The following ONECUT3 variants were observed in gnomAD, a reference collection of about 807,000 sequenced individuals.
The protein encoded by ONECUT3 is one cut homeobox 3.
Under a neutral mutation model 16.8 loss-of-function variants are expected in ONECUT3, and 11 were observed. That is an observed-to-expected ratio of 0.66 (90% CI 0.41 to 1.09). The LOEUF is 1.09. ONECUT3 is among the 50% of genes least tolerant of loss of function. ONECUT3 has a pLI of 0.00. For synonymous variants in ONECUT3, 344 were observed against 310.7 expected (o/e 1.11, Z -1.13); for missense variants, 637 against 629.9 (o/e 1.01, Z -0.12).
chr19:1,764,565 T>C lies in ONECUT3; in HGVS notation c.1192+9711T>C, dbSNP rs1056735634. ...GAGTGGAGGGGTAGTGGGAACAGAG[T>C]GGGGCCAGATGAGGGGCTGGGGAGG... On this transcript the variant is annotated intron_variant, in intron 1 of 1. Coordinates refer to ENST00000382349, the MANE Select transcript of ONECUT3 (RefSeq NM_001080488.2). The surrounding 1 kb of genome is among the most constrained non-coding windows in gnomAD (Gnocchi z 5.0). Among the ~76,000 whole-genome samples, 1 of 143,368 alleles carries C rather than the reference T, an allele frequency of 7.0e-6. No individual in the cohort carries two copies. Among genetic ancestry groups the C allele is most frequent in the Non-Finnish European group, 1.5e-5 (1 of 65,636 alleles). The allele number at this position is 143,368 out of a possible 152,430, so 94.1% of individuals were successfully genotyped here.
rs1301634477 is a variant in ONECUT3 at position 1,775,145 on chromosome 19, G to T, written c.1193-8G>T. 2.5e-6 allele frequency: 2 copies of T among 800,004 alleles called. No individual in the cohort carries two copies. The highest frequency in any genetic ancestry group is 3.6e-6 in the Non-Finnish European group (2 of 556,834). The allele number at this position is 800,004 out of a possible 1,614,324, so 49.6% of individuals were successfully genotyped here. A position where few individuals can be genotyped will look rare whatever the true frequency, so the allele number is the denominator to read the frequency against. On this transcript the variant is annotated splice_region_variant and splice_polypyrimidine_tract_variant and intron_variant, in intron 1 of 1. Transcript: ENST00000382349. ...CCGCTCGCCCGCCCGCCCGCCGCTC[G>T]CCCGCAGCCTGCAAGCGCAAGGAAC...
In ONECUT3 at chr19:1,775,587, A is replaced by T; in HGVS notation, c.*142A>T. ...CTATCCGGGCCCCCCACACCCGGGG[A>T]GGGGGAAGCAGCACACCCCCCAGCC... On this transcript the variant is annotated 3_prime_UTR_variant, in exon 2 of 2. Transcript: ENST00000382349. 2 of 733,900 alleles carry T rather than the reference A, an allele frequency of 2.7e-6. No individual in the cohort carries two copies. Among genetic ancestry groups the T allele is most frequent in the Non-Finnish European group, 4.1e-6 (2 of 488,486 alleles). The allele number at this position is 733,900 out of a possible 1,614,324, so 45.5% of individuals were successfully genotyped here. A position where few individuals can be genotyped will look rare whatever the true frequency, so the allele number is the denominator to read the frequency against.
intron 1 of ONECUT3, among the ~76,000 whole-genome samples, chr19:1,769,945 G>A (rs757378575): frequency 5.9e-5 from 9 of 152,122 alleles, no homozygotes; most frequent in Non-Finnish European, 1.3e-4. Flanking sequence ...AGGTGGGGTG[G>A]GAAAGGGACG....
In ONECUT3 at chr19:1,755,102, G is replaced by A. The variant is rs2067909921; in HGVS notation, c.1192+248G>A. On this transcript the variant is annotated intron_variant, in intron 1 of 1. Coordinates refer to ENST00000382349, the MANE Select transcript of ONECUT3 (RefSeq NM_001080488.2). The surrounding 1 kb of genome is among the most constrained non-coding windows in gnomAD (Gnocchi z 7.5). The stretch of plus-strand genomic sequence containing the variant: ...CGGTCGCCGCTTCTGCCCCTTTCGG[G>A]AGCGCGTAGGGGTTCTCTAGTCCTT... Among the ~76,000 whole-genome samples, 1 of 152,182 alleles carries A rather than the reference G, an allele frequency of 6.6e-6. No individual in the cohort carries two copies. The highest frequency in any genetic ancestry group is 1.5e-5 in the Non-Finnish European group (1 of 68,018).
rs181012975 is a variant in ONECUT3, at chr19:1,768,438, G to T, written c.1193-6715G>T. Among the ~76,000 whole-genome samples, 312 of 152,274 alleles carry T rather than the reference G, an allele frequency of 2.0e-3. 3 individuals carry two copies. Among genetic ancestry groups the T allele is most frequent in the African/African-American group, 6.5e-3 (270 of 41,550 alleles). On this transcript the variant is annotated intron_variant, in intron 1 of 1. Transcript: ENST00000382349. Reference sequence around the variant, plus strand: ...TGGAAGAGCTCAGGAGCCCAGGAAGGACTGGCCTGCACCGGGACATGCCTG... The same window carrying T: ...TGGAAGAGCTCAGGAGCCCAGGAAGTACTGGCCTGCACCGGGACATGCCTG...
chr19:1,776,657 C>G lies in ONECUT3; in HGVS notation c.*1212C>G, dbSNP rs2068111430. 6.7e-6 allele frequency: 1 copy of G among 149,246 alleles called. No homozygotes were observed. The allele number at this position is 149,246 out of a possible 1,614,324, so 9.2% of individuals were successfully genotyped here. A position where few individuals can be genotyped will look rare whatever the true frequency, so the allele number is the denominator to read the frequency against. On this transcript the variant is annotated 3_prime_UTR_variant, in exon 2 of 2. Coordinates refer to ENST00000382349, the MANE Select transcript of ONECUT3 (RefSeq NM_001080488.2). The surrounding 1 kb of genome is among the most constrained non-coding windows in gnomAD (Gnocchi z 4.9). ...CCGCGCTCTCCCCCGCTCCTCTCAT[C>G]TGGTCTGGGTGACCTCCGAGACTGG...
rs1032783825 is a variant in ONECUT3, at chr19:1,775,688, C to A, written c.*243C>A. 98 of 391,128 alleles carry A rather than the reference C, an allele frequency of 2.5e-4. No homozygotes were observed. Among genetic ancestry groups the A allele is most frequent in the African/African-American group, 1.4e-3 (67 of 47,000 alleles). 24.2% of individuals were successfully genotyped at this position (391,128 alleles called of 1,614,324 possible). A position where few individuals can be genotyped will look rare whatever the true frequency, so the allele number is the denominator to read the frequency against. On this transcript the variant is annotated 3_prime_UTR_variant, in exon 2 of 2. Transcript: ENST00000382349. ...GGCCAAAGGAAGCCCTCCACCCCCC[C>A]CCGGAGGGGAGGGAGTGACAGAAAG...
chr19:1,754,306 A>G lies in ONECUT3; in HGVS notation c.644A>G (p.Gln215Arg). ...ALPPALHGAP[Q>R]PPPPPPPPPL... Reference sequence around the variant, plus strand: ...CCGCCCGCGCTGCACGGCGCCCCGCAGCCCCCGCCGCCGCCACCACCCCCG... The same window carrying G: ...CCGCCCGCGCTGCACGGCGCCCCGCGGCCCCCGCCGCCGCCACCACCCCCG... The change falls in exon 1 of 2, where the codon CAG (glutamine) becomes CGG (arginine). Residue 215 changes from glutamine (Q) to arginine (R), a missense_variant. Physicochemically the swap from Gln to Arg is conservative, Grantham distance 43. This residue lies in a region of ONECUT3 where 419 missense variants were observed against 377.9 expected (regional missense o/e 1.11). Transcript: ENST00000382349. This position sits in a 1 kb window ranked among gnomAD's most constrained non-coding sequence, Gnocchi z 7.4. 9.5e-7 allele frequency: 1 copy of G among 1,052,778 alleles called. No homozygotes were observed. Among genetic ancestry groups the G allele is most frequent in the Non-Finnish European group, 1.1e-6 (1 of 879,162 alleles). 65.2% of individuals were successfully genotyped at this position (1,052,778 alleles called of 1,614,324 possible).
In ONECUT3 at chr19:1,762,046, C is replaced by T. The variant is rs180673647; in HGVS notation, c.1192+7192C>T. ...ACGTGTGTAGACGCCTCCGTTCACA[C>T]TGGGACGAGTGCAGACTGACCCAGG... On this transcript the variant is annotated intron_variant, in intron 1 of 1. Transcript: ENST00000382349. The surrounding 1 kb of genome is among the most constrained non-coding windows in gnomAD (Gnocchi z 4.4). 1.9e-3 allele frequency among the ~76,000 whole-genome samples: 287 copies of T among 152,328 alleles called. 5 individuals carry two copies. The highest frequency in any genetic ancestry group is 1.6e-3 in the Non-Finnish European group (111 of 68,024).
Position 1,779,699 on chromosome 19 carries a change from G to T in ONECUT3, c.*4254G>T, listed in dbSNP as rs541673762. On this transcript the variant is annotated 3_prime_UTR_variant, in exon 2 of 2. Transcript: ENST00000382349. ...GGGTGGGGGGCGGGGGGCGTGGCCC[G>T]GTTCCGTGTCGCATCTGTGTGTCTG... The T allele has an allele frequency of 2.0e-5, 3 of 150,900 alleles. No individual in the cohort carries two copies. The East Asian group carries it at 6.0e-4, about 30-fold the overall frequency. 9.3% of individuals were successfully genotyped at this position (150,900 alleles called of 1,614,324 possible).
Position 1,776,239 on chromosome 19 carries a change from C to T in ONECUT3, c.*794C>T, listed in dbSNP as rs1207980516. On this transcript the variant is annotated 3_prime_UTR_variant, in exon 2 of 2. Coordinates refer to ENST00000382349, the MANE Select transcript of ONECUT3 (RefSeq NM_001080488.2). The surrounding 1 kb of genome is among the most constrained non-coding windows in gnomAD (Gnocchi z 4.9). ...GTAAATTCCAGACGCCCCCGCCCCG[C>T]CCCGTCTGTTGAGTTCACTTTACCT... 6.6e-6 allele frequency: 1 copy of T among 152,340 alleles called. No homozygotes were observed. Among genetic ancestry groups the T allele is most frequent in the African/African-American group, 2.4e-5 (1 of 41,446 alleles). 9.4% of individuals were successfully genotyped at this position (152,340 alleles called of 1,614,324 possible). A position where few individuals can be genotyped will look rare whatever the true frequency, so the allele number is the denominator to read the frequency against.
chr19:1,776,338 A>C lies in ONECUT3; in HGVS notation c.*893A>C, dbSNP rs1489368922. The C allele has an allele frequency of 6.6e-6, 1 of 152,264 alleles. No individual in the cohort carries two copies. Among genetic ancestry groups the C allele is most frequent in the African/African-American group, 2.4e-5 (1 of 41,448 alleles). 9.4% of individuals were successfully genotyped at this position (152,264 alleles called of 1,614,324 possible). ...AGACCACGCCCAGGCTCCCAGGAGA[A>C]GGGGACCCGGCCGGAGAAGGCGCCG... On this transcript the variant is annotated 3_prime_UTR_variant, in exon 2 of 2. Coordinates refer to ENST00000382349, the MANE Select transcript of ONECUT3 (RefSeq NM_001080488.2). This position sits in a 1 kb window ranked among gnomAD's most constrained non-coding sequence, Gnocchi z 4.9.
intron 1 of ONECUT3, among the ~76,000 whole-genome samples, chr19:1,773,272 C>G (rs1442688315): frequency 1.3e-5 from 2 of 151,188 alleles, no homozygotes; most frequent in East Asian, 3.9e-4. Context: ...GCCTCCCTCC[C>G]TCTCTCTCTC....
At chr19:1,767,374 G>T (rs79708629) in intron 1 of ONECUT3, among the ~76,000 whole-genome samples, 10,120 of 152,038 alleles carry the variant, frequency 0.067, 386 homozygotes, top group African/African-American at 0.1. Context: ...CCAACACCAG[G>T]CAGGGCCCAA....
chr19:1,756,286 T>C (rs998111947), intron 1 of ONECUT3, among the ~76,000 whole-genome samples: 7 of 152,182 alleles, frequency 4.6e-5, no homozygotes, highest in African/African-American at 1.7e-4. Context: ...GAACCTCTTA[T>C]GGGATTCTTA....
intron 1 of ONECUT3, among the ~76,000 whole-genome samples, chr19:1,760,356 A>C (rs938130181): frequency 6.6e-6 from 1 of 150,874 alleles, no homozygotes. Context: ...GCATTCCAGG[A>C]AGGTGACGCT....
intron 1 of ONECUT3, among the ~76,000 whole-genome samples, chr19:1,771,908 G>A (rs368543473): frequency 2.6e-5 from 4 of 152,152 alleles, no homozygotes; most frequent in African/African-American, 9.6e-5. Flanking sequence ...CAACCTCTTG[G>A]GCTCAAGTGA....
Position 1,754,778 on chromosome 19 carries a change from C to T in ONECUT3, c.1116C>T (p.Gly372=), listed in dbSNP as rs747768001. The T allele has an allele frequency of 1.9e-6, 3 of 1,565,086 alleles. No homozygotes were observed. Among genetic ancestry groups the T allele is most frequent in the African/African-American group, 1.4e-5 (1 of 71,866 alleles). The change falls in exon 1 of 2, where the codon GGC becomes GGT. Residue 372 remains glycine, a synonymous_variant. Coordinates refer to ENST00000382349, the MANE Select transcript of ONECUT3 (RefSeq NM_001080488.2). This position sits in a 1 kb window ranked among gnomAD's most constrained non-coding sequence, Gnocchi z 7.4. ...AGCCGTGGAGCAAGCTCAAATCCGG[C>T]CGCGAGACCTTCCGCAGGATGTGGA... is the stretch of plus-strand genomic sequence containing the variant. ...NPKPWSKLKS[G]RETFRRMWKW...
Position 1,775,049 on chromosome 19 carries a change from C to G in ONECUT3, c.1193-104C>G, listed in dbSNP as rs185075459. The G allele has an allele frequency of 9.0e-4, 628 of 694,012 alleles. 3 individuals carry two copies. In the African/African-American group the frequency reaches 9.5e-3, roughly 10 times the overall value. 43.0% of individuals were successfully genotyped at this position (694,012 alleles called of 1,614,324 possible). A position where few individuals can be genotyped will look rare whatever the true frequency, so the allele number is the denominator to read the frequency against. ...CCTTTCCCCAACGTGTCCCTTCTCCCCTCCTCCTCATCCTCCGGGCGGCGT... is the reference window on the plus strand; with the variant it reads ...CCTTTCCCCAACGTGTCCCTTCTCCGCTCCTCCTCATCCTCCGGGCGGCGT... On this transcript the variant is annotated intron_variant, in intron 1 of 1. Coordinates refer to ENST00000382349, the MANE Select transcript of ONECUT3 (RefSeq NM_001080488.2).
Sources: allele counts gnomAD v4.1 joint callset (sites outside exome capture counted in the v4.1 genomes callset), GRCh38; gene constraint gnomAD v4.1.1; regional missense constraint gnomAD v4.1.1; non-coding constraint Gnocchi (gnomAD v3.1); transcripts MANE v1.5; gene names NCBI Gene and HGNC (gene_info 2026-07-23, HGNC 2026-07-21).